Variants in SYNE1 observed in about 807,000 individuals in gnomAD.
The protein encoded by SYNE1 is spectrin repeat containing nuclear envelope protein 1.
In SYNE1, 616 loss-of-function variants were observed where a neutral mutation model predicts 1,111.0. That is an observed-to-expected ratio of 0.55 (90% CI 0.52 to 0.59). The LOEUF (loss-of-function observed/expected upper bound fraction) is 0.59. SYNE1 is among the 20% of genes least tolerant of loss of function. The pLI, the probability that SYNE1 is intolerant of heterozygous loss-of-function variation, is 0.00. For missense variants in SYNE1, 10,006 were observed against 10,417.0 expected (o/e 0.96, Z 1.72); for synonymous variants, 3,855 against 3,825.8 (o/e 1.01, Z -0.28).
At chr6:152,363,480 C>G (rs1262723925) in intron 63 of SYNE1, among the ~76,000 whole-genome samples, 1 of 149,814 alleles carries the variant, frequency 6.7e-6, no homozygotes, top group East Asian at 2.0e-4. Context: ...GGCGACAGAG[C>G]AAGACTCCGT....
chr6:152,268,110 C>T lies in SYNE1; in HGVS notation c.18761G>A (p.Arg6254His), dbSNP rs752272082. 6 of 1,613,994 alleles carry T rather than the reference C, an allele frequency of 3.7e-6. No homozygotes were observed. Among genetic ancestry groups the T allele is most frequent in the African/African-American group, 1.3e-5 (1 of 74,924 alleles). The change falls in exon 100 of 146, where the codon CGT becomes CAT. Residue 6254 changes from arginine (R) to histidine (H), a missense_variant. By Grantham distance (29) the Arg-to-His change is conservative. Transcript: ENST00000367255. ...ATGTTGAATTAGAATCTCCTCTCCACGACTGGCTACTGAGCGAAGGAGACT... is the reference window on the plus strand; with the variant it reads ...ATGTTGAATTAGAATCTCCTCTCCATGACTGGCTACTGAGCGAAGGAGACT... Reference protein sequence around the residue: ...QKSLLRSVASRGEEILIQHSA... With the variant: ...QKSLLRSVASHGEEILIQHSA...
intron 127 of SYNE1, among the ~76,000 whole-genome samples, chr6:152,199,312 AAC>A (rs1259641134): frequency 1.3e-5 from 2 of 152,210 alleles, no homozygotes; most frequent in Admixed American, 6.5e-5. Flanking sequence ...TATTTTTAAA[AAC>A]AGACACCTAA....
intron 3 of SYNE1, among the ~76,000 whole-genome samples, chr6:152,605,699 C>T (rs2695252): frequency 0.64 from 97,575 of 151,996 alleles, 31,433 homozygotes; most frequent in Non-Finnish European, 0.68. Flanking sequence ...GTTAAAACTC[C>T]ACACATAGCT....
intron 127 of SYNE1, among the ~76,000 whole-genome samples, chr6:152,199,800 T>C (rs1325393258): frequency 2.6e-5 from 4 of 152,202 alleles, no homozygotes; most frequent in Non-Finnish European, 1.5e-5. Context: ...TTCCAGGTAA[T>C]TGCCTTGTTT....
At chr6:152,278,352 A>G in intron 97 of SYNE1, 72 bp from the exon 98 acceptor site, 1 of 1,549,520 alleles carries the variant, frequency 6.5e-7, no homozygotes, top group Non-Finnish European at 8.9e-7. Flanking sequence ...CCCACAGTGA[A>G]ATACAGCCCT....
At chr6:152,163,800 C>T (rs1471502817) in intron 131 of SYNE1, among the ~76,000 whole-genome samples, 1 of 152,128 alleles carries the variant, frequency 6.6e-6, no homozygotes, top group African/African-American at 2.4e-5. Flanking sequence ...CCTTTCAGTC[C>T]TGTCTAAGTG....
intron 29 of SYNE1, among the ~76,000 whole-genome samples, chr6:152,445,039 T>C (rs1355272427): frequency 6.6e-6 from 1 of 152,066 alleles, no homozygotes; most frequent in Non-Finnish European, 1.5e-5. Context: ...TTCATAATCA[T>C]TTATGGGGCT....
chr6:152,565,295 C>A (rs571784118), intron 3 of SYNE1, among the ~76,000 whole-genome samples: 1 of 152,244 alleles, frequency 6.6e-6, no homozygotes, highest in East Asian at 1.9e-4. Flanking sequence ...TTGACATGTT[C>A]AGGCCAATTA....
In SYNE1 at chr6:152,309,992, A is replaced by G; in HGVS notation, c.17045T>C (p.Leu5682Pro). The G allele has an allele frequency of 6.2e-7, 1 of 1,614,090 alleles. No homozygotes were observed. The highest frequency in any genetic ancestry group is 8.5e-7 in the Non-Finnish European group (1 of 1,180,044). ...RQHLLSEMESLKPKVQAVQLC... is the reference protein window; with the variant it reads ...RQHLLSEMESPKPKVQAVQLC... ...CTGCACTGCTTGCACCTTCGGCTTCAGTGACTCCATCTCAGACAACAAATG... is the reference window on the plus strand; with the variant it reads ...CTGCACTGCTTGCACCTTCGGCTTCGGTGACTCCATCTCAGACAACAAATG... The change falls in exon 90 of 146, where the codon CTG becomes CCG. Residue 5682 changes from leucine to proline, a missense_variant. By Grantham distance (98) the Leu-to-Pro change is moderately conservative (BLOSUM62 -3). This residue lies in a region of SYNE1 where 4,955 missense variants were observed against 5,017.2 expected (regional missense o/e 0.99). Transcript: ENST00000367255.
intron 72 of SYNE1, among the ~76,000 whole-genome samples, chr6:152,347,640 T>C (rs2096660624): frequency 6.6e-6 from 1 of 150,948 alleles, no homozygotes; most frequent in African/African-American, 2.5e-5. Context: ...AATATCTTAT[T>C]TCTATAAGGT....
chr6:152,405,137 G>A (rs571415329), intron 45 of SYNE1, among the ~76,000 whole-genome samples: 7 of 152,308 alleles, frequency 4.6e-5, no homozygotes, highest in Admixed American at 1.3e-4. Flanking sequence ...ATACTGCAGC[G>A]GGAATGGCCC....
chr6:152,550,556 G>A lies in SYNE1; in HGVS notation c.68-10535C>T, dbSNP rs1429204718. On this transcript the variant is annotated intron_variant, in intron 3 of 145. Transcript: ENST00000367255. The stretch of plus-strand genomic sequence containing the variant: ...TCACGAAGAATTTGTCATCTCGTAT[G>A]TATGGGGGTGTGGGAGAGAGGAGGG... Among the ~76,000 whole-genome samples the A allele has an allele frequency of 2.0e-5, 3 of 151,296 alleles. No homozygotes were observed. In the Admixed American group the frequency reaches 2.0e-4, roughly 10 times the overall value.
Position 152,498,783 on chromosome 6 carries a change from GA to G in SYNE1, c.897del (p.Pro300GlnfsTer19). 6.5e-7 allele frequency: 1 copy of G among 1,539,010 alleles called. No individual in the cohort carries two copies. The highest frequency in any genetic ancestry group is 8.9e-7 in the Non-Finnish European group (1 of 1,127,210). On this transcript the variant is annotated frameshift_variant, in exon 11 of 146. Transcript: ENST00000367255. LOFTEE classifies it high-confidence loss of function. ...GAATTTGCAAAAGATGGGAAACCTG[GA>G]AGTATTTCCTAACAATATGAAAAGA... is the stretch of plus-strand genomic sequence containing the variant. ...STDGQEDDEI[L>X]PGFPSFANSV...
chr6:152,564,479 G>T (rs1208655049), intron 3 of SYNE1, among the ~76,000 whole-genome samples: 1 of 152,010 alleles, frequency 6.6e-6, no homozygotes, highest in Non-Finnish European at 1.5e-5. Context: ...ACCACACCTG[G>T]CTAATTTTTG....
intron 4 of SYNE1, among the ~76,000 whole-genome samples, chr6:152,538,006 T>G (rs557920662): frequency 6.6e-6 from 1 of 152,266 alleles, no homozygotes; most frequent in East Asian, 1.9e-4. Context: ...TGGATTACCA[T>G]GCAAGGAAAC....
intron 92 of SYNE1, among the ~76,000 whole-genome samples, chr6:152,301,466 C>G (rs1329136644): frequency 6.6e-6 from 1 of 152,164 alleles, no homozygotes; most frequent in Non-Finnish European, 1.5e-5. Context: ...AGAGTACATG[C>G]ACATATGTAG....
At chr6:152,143,208 C>T (rs187896311) in intron 138 of SYNE1, among the ~76,000 whole-genome samples, 11 of 152,252 alleles carry the variant, frequency 7.2e-5, no homozygotes, top group Admixed American at 1.3e-4. Flanking sequence ...CAAGGTCATT[C>T]GGTGAACCCA....
intron 12 of SYNE1, among the ~76,000 whole-genome samples, chr6:152,488,069 C>T (rs548126742): frequency 2.1e-4 from 23 of 109,236 alleles, no homozygotes; most frequent in African/African-American, 9.2e-4. Flanking sequence ...AGTGAGACTC[C>T]GTCTCAAAAA....
chr6:152,278,455 T>A (rs1285999804), intron 97 of SYNE1, among the ~76,000 whole-genome samples, 175 bp from the exon 98 acceptor site: 1 of 151,908 alleles, frequency 6.6e-6, no homozygotes, highest in African/African-American at 2.4e-5. Flanking sequence ...TTTTTTTTTA[T>A]ATTTTTTAAT....
Sources: gnomAD v4.1 joint callset for allele counts (sites outside exome capture counted in the v4.1 genomes callset) on GRCh38, gnomAD v4.1.1 for gene constraint, gnomAD v4.1.1 regional missense constraint, MANE v1.5 for transcripts, NCBI Gene and HGNC (gene_info 2026-07-23, HGNC 2026-07-21) for gene names.